Variants in KRIT1 observed in about 807,000 individuals in gnomAD.
KRIT1 encodes the protein KRIT1 ankyrin repeat containing.
In KRIT1, 45 loss-of-function variants were observed where a neutral mutation model predicts 95.8. The observed-to-expected ratio is 0.47, with a 90% CI of 0.37 to 0.60. The LOEUF is 0.60. KRIT1 is among the 20% of genes least tolerant of loss of function. KRIT1 has a pLI of 0.00. For missense variants in KRIT1, 788 were observed against 877.5 expected, an observed-to-expected ratio of 0.90 and a Z score of 1.29; for synonymous variants, 282 against 278.8, an observed-to-expected ratio of 1.01 and a Z score of -0.11.
chr7:92,213,055 T>C, intron 17 of KRIT1, 140 bp downstream of exon 17: 5 of 628,340 alleles, frequency 8.0e-6, no homozygotes, highest in Non-Finnish European at 1.4e-5. Context: ...AGTGATTTAG[T>C]GTCCCCCTTC....
chr7:92,205,307 T>C (rs543328943), intron 17 of KRIT1, among the ~76,000 whole-genome samples: 12 of 150,320 alleles, frequency 8.0e-5, no homozygotes, highest in African/African-American at 2.9e-4. Context: ...GATCACGCCA[T>C]TGCACTGCAG....
intron 17 of KRIT1, chr7:92,201,698 C>T (rs1272832563): frequency 2.0e-5 from 7 of 358,674 alleles, no homozygotes; most frequent in South Asian, 1.6e-4. Flanking sequence ...CCCCTACCCC[C>T]TGAGAGACCC....
intron 17 of KRIT1, chr7:92,205,965 C>T (rs1454181850): frequency 6.6e-6 from 1 of 152,258 alleles, no homozygotes; most frequent in Non-Finnish European, 1.5e-5. Flanking sequence ...GCTGCTGTCA[C>T]CTGTGCACAT....
chr7:92,235,709 A>G (rs1798302255), intron 7 of KRIT1, 63 bp from the exon 8 acceptor site: 2 of 1,454,122 alleles, frequency 1.4e-6, no homozygotes, highest in Non-Finnish European at 1.9e-6. Context: ...AAGATAGATT[A>G]CTATCTAACT....
intron 14 of KRIT1, among the ~76,000 whole-genome samples, chr7:92,215,550 G>A (rs1793783779): frequency 6.6e-6 from 1 of 152,172 alleles, no homozygotes; most frequent in South Asian, 2.1e-4. Context: ...GCCCACTGCA[G>A]CCTCGACCTC....
intron 10 of KRIT1, among the ~76,000 whole-genome samples, chr7:92,230,931 C>G (rs766665887): frequency 6.6e-6 from 1 of 152,066 alleles, no homozygotes; most frequent in Non-Finnish European, 1.5e-5. Flanking sequence ...AAGGGGAGGA[C>G]TAAAAGGCTG....
intron 17 of KRIT1, chr7:92,202,429 T>C (rs1409791025): frequency 6.6e-6 from 1 of 152,254 alleles, no homozygotes; most frequent in Non-Finnish European, 1.5e-5. Flanking sequence ...TCCTTGTTAA[T>C]AACAATTCTC....
At chr7:92,242,181 AC>A in intron 3 of KRIT1, 44 bp from the exon 4 acceptor site, 1 of 1,052,388 alleles carries the variant, frequency 9.5e-7, no homozygotes, top group South Asian at 1.3e-5. Context: ...ATTAAATGAC[AC>A]ATTTGATGGC....
intron 14 of KRIT1, among the ~76,000 whole-genome samples, chr7:92,221,264 C>T (rs62467794): frequency 0.27 from 41,081 of 151,808 alleles, 6,973 homozygotes; most frequent in Non-Finnish European, 0.38. Flanking sequence ...GGCAAAACCC[C>T]GTCTCCGCTA....
At chr7:92,214,813 C>A (rs563247706) in intron 14 of KRIT1, 36 bp from the exon 15 acceptor site, 1 of 1,422,234 alleles carries the variant, frequency 7.0e-7, no homozygotes, top group African/African-American at 1.4e-5. Flanking sequence ...TATTAGGCTA[C>A]AATTTCTTTT....
chr7:92,202,453 T>G (rs1790400273), intron 17 of KRIT1: 1 of 152,224 alleles, frequency 6.6e-6, no homozygotes, highest in African/African-American at 2.4e-5. Flanking sequence ...TAGCAGTAAC[T>G]TCCATTTTCT....
rs776112678 is a variant in KRIT1 at position 92,234,552 on chromosome 7, C to A, written c.886G>T (p.Ala296Ser). ...AGTAATTCTGAATCTCCTTCACAGG[C>A]GCTTCGGTGGAGAGGAAAATCATCT... Reference protein sequence around the residue: ...WVDDFPLHRSACEGDSELLSR... With the variant: ...WVDDFPLHRSSCEGDSELLSR... Residue 296 changes from alanine to serine, a missense_variant, in exon 10 of 19, where the codon GCC becomes TCC. By Grantham distance (99) the Ala-to-Ser change is moderately conservative (BLOSUM62 1). Around this residue, in one of 3 missense-constraint regions of KRIT1, gnomAD observed 493 missense variants for 582.3 expected, o/e 0.85. Coordinates refer to ENST00000394505, the MANE Select transcript of KRIT1 (RefSeq NM_194454.3). 4.3e-6 allele frequency: 7 copies of A among 1,612,956 alleles called. No individual in the cohort carries two copies. The highest frequency in any genetic ancestry group is 5.9e-6 in the Non-Finnish European group (7 of 1,178,960).
downstream of KRIT1, chr7:92,199,272 T>G (rs1789726711): frequency 6.6e-6 from 1 of 152,216 alleles, no homozygotes; most frequent in African/African-American, 2.4e-5. Flanking sequence ...CTTGTTAACT[T>G]TACTTAACCA....
At position 92,237,777 on chromosome 7, in the gene KRIT1, G is replaced by A. The variant is rs773572280; in HGVS notation, c.263-18C>T. ...TCGTTTTCCTAATCATTTTTAAAAA[G>A]TTAGCAAAACAAAAATAATACACTT... On this transcript the variant is annotated intron_variant, in intron 5 of 18. Transcript: ENST00000394505. The A allele has an allele frequency of 7.4e-7, 1 of 1,346,658 alleles. No individual in the cohort carries two copies. The highest frequency in any genetic ancestry group is 1.1e-6 in the Non-Finnish European group (1 of 937,160). The allele number at this position is 1,346,658 out of a possible 1,614,324, so 83.4% of individuals were successfully genotyped here. A position where few individuals can be genotyped will look rare whatever the true frequency, so the allele number is the denominator to read the frequency against.
At chr7:92,228,408 A>G (rs1466597619) in intron 10 of KRIT1, among the ~76,000 whole-genome samples, 4 of 152,118 alleles carry the variant, frequency 2.6e-5, no homozygotes, top group Admixed American at 2.0e-4. Flanking sequence ...GGTTTTAGAT[A>G]TGGAACATCT....
intron 10 of KRIT1, among the ~76,000 whole-genome samples, chr7:92,232,391 G>A (rs1035356663): frequency 1.3e-5 from 2 of 151,620 alleles, no homozygotes; most frequent in Non-Finnish European, 2.9e-5. Context: ...CTTACCAAAG[G>A]TAATATTTTA....
At chr7:92,222,205 C>A (rs1795275993) in intron 13 of KRIT1, 152 bp from the exon 14 acceptor site, 1 of 599,374 alleles carries the variant, frequency 1.7e-6, no homozygotes, top group Non-Finnish European at 2.9e-6. Context: ...ATATGACTAC[C>A]CAATTTGTGG....
intron 6 of KRIT1, 132 bp from the exon 7 acceptor site, chr7:92,236,674 A>G (rs1010208675): frequency 1.5e-5 from 10 of 664,724 alleles, no homozygotes; most frequent in Non-Finnish European, 2.6e-5. Context: ...TGGAATTAGA[A>G]GGCCTGGATT....
chr7:92,204,955 G>C (rs1422604963), intron 17 of KRIT1, among the ~76,000 whole-genome samples: 5 of 152,120 alleles, frequency 3.3e-5, no homozygotes, highest in African/African-American at 7.2e-5. Flanking sequence ...ATCTATCAAA[G>C]TAACTGTTGC....
Sources: gnomAD v4.1 joint callset for allele counts (sites outside exome capture counted in the v4.1 genomes callset) on GRCh38, gnomAD v4.1.1 for gene constraint, gnomAD v4.1.1 regional missense constraint, MANE v1.5 for transcripts, NCBI Gene and HGNC (gene_info 2026-07-23, HGNC 2026-07-21) for gene names.